The following ARHGEF12 variants were observed in gnomAD, a reference collection of about 807,000 sequenced individuals.
ARHGEF12 encodes KMT2A/ARHGEF12 fusion protein.
In ARHGEF12, 66 loss-of-function variants were observed where a neutral mutation model predicts 211.2. That is an observed-to-expected ratio of 0.31 (90% confidence interval 0.26 to 0.38). The LOEUF (loss-of-function observed/expected upper bound fraction) is 0.38, where lower values mean the gene tolerates loss of function less well. Ranked by LOEUF, ARHGEF12 falls within the 10% of genes least tolerant of loss-of-function variation. The pLI, the probability that ARHGEF12 is intolerant of heterozygous loss-of-function variation, is 1.00. For synonymous variants in ARHGEF12, 592 were observed against 638.4 expected, an observed-to-expected ratio of 0.93 and a Z score of 1.09; for missense variants, 1,429 against 1,869.5, an observed-to-expected ratio of 0.76 and a Z score of 4.34.
intron 1 of ARHGEF12, among the ~76,000 whole-genome samples, chr11:120,382,352 G>A (rs994804631): frequency 2.6e-5 from 4 of 152,176 alleles, no homozygotes; most frequent in Non-Finnish European, 5.9e-5. Flanking sequence ...TATATTTTGA[G>A]TGGTCATAAT....
Position 120,457,746 on chromosome 11 carries a change from C to T in ARHGEF12, c.2215C>T (p.Pro739Ser). ...GGTGACTGAACATGGGACACCAAAG[C>T]CCTTTCGAAAGTAAGTAAATCTTAA... ...ERVTEHGTPK[P>S]FRKFDSVAFG... Residue 739 changes from proline to serine, a missense_variant, in exon 24 of 41, where the codon CCC becomes TCC. By Grantham distance (74) the Pro-to-Ser change is moderately conservative. Coordinates refer to ENST00000397843, the MANE Select transcript of ARHGEF12 (RefSeq NM_015313.3). 1 of 1,608,812 alleles carries T rather than the reference C, an allele frequency of 6.2e-7. No individual in the cohort carries two copies. The highest frequency in any genetic ancestry group is 2.2e-5 in the East Asian group (1 of 44,810).
rs1300388291 is a variant in ARHGEF12 at position 120,451,549 on chromosome 11, T to C, written c.1881T>C (p.Pro627=). ...TGGAACTACAGAAGGCGCGCCACCCTAAGCACTTATCCACACCCTCATCTG... is the reference window on the plus strand; with the variant it reads ...TGGAACTACAGAAGGCGCGCCACCCCAAGCACTTATCCACACCCTCATCTG... The part of the protein sequence containing the change: ...RAMELQKARH[P]KHLSTPSSVS... The change falls in exon 22 of 41, where the codon CCT becomes CCC. Residue 627 remains proline (P), a synonymous_variant. Coordinates refer to ENST00000397843, the MANE Select transcript of ARHGEF12 (RefSeq NM_015313.3). 5.0e-6 allele frequency: 8 copies of C among 1,614,192 alleles called. No individual in the cohort carries two copies. Among genetic ancestry groups the C allele is most frequent in the Non-Finnish European group, 6.8e-6 (8 of 1,180,030 alleles).
chr11:120,429,671 CATAA>C lies in ARHGEF12; in HGVS notation c.664-40_664-37del, dbSNP rs775544151. 163 of 1,585,134 alleles carry C rather than the reference CATAA, an allele frequency of 1.0e-4. 1 individual carries two copies. The highest frequency in any genetic ancestry group is 1.3e-4 in the Non-Finnish European group (152 of 1,163,970). On this transcript the variant is annotated intron_variant, in intron 9 of 40. Coordinates refer to ENST00000397843, the MANE Select transcript of ARHGEF12 (RefSeq NM_015313.3). ...ATGGACTATTTCTGTATCTTTTTTA[CATAA>C]GTAATTAATTCTGAAAATATTTTTA...
intron 1 of ARHGEF12, among the ~76,000 whole-genome samples, chr11:120,349,360 G>A (rs947611262): frequency 2.0e-5 from 3 of 151,926 alleles, no homozygotes; most frequent in Admixed American, 1.3e-4. Flanking sequence ...CTCCCTGGCC[G>A]ACTTTTTTTT....
rs112377026 is a variant in ARHGEF12, at chr11:120,428,451, A to G, written c.585+204A>G. On this transcript the variant is annotated intron_variant, in intron 8 of 40. Transcript: ENST00000397843. ...ATTTAACAAGTATTAGACACCTGCCATATGTAAAACAGTGTGCCACCCACA... is the reference window on the plus strand; with the variant it reads ...ATTTAACAAGTATTAGACACCTGCCGTATGTAAAACAGTGTGCCACCCACA... 4.6e-3 allele frequency among the ~76,000 whole-genome samples: 697 copies of G among 152,364 alleles called. 3 individuals carry two copies. Among genetic ancestry groups the G allele is most frequent in the African/African-American group, 0.016 (669 of 41,586 alleles).
intron 10 of ARHGEF12, among the ~76,000 whole-genome samples, chr11:120,430,291 T>A (rs1432855833): frequency 2.6e-5 from 4 of 152,150 alleles, no homozygotes; most frequent in Non-Finnish European, 5.9e-5. Flanking sequence ...ATGGTTGTTT[T>A]CCTCCAGTTT....
chr11:120,408,833 G>C (rs1023762968), intron 3 of ARHGEF12: 5 of 152,014 alleles, frequency 3.3e-5, no homozygotes, highest in Non-Finnish European at 5.9e-5. Context: ...GGCTTTGGTG[G>C]TGGGACTATG....
intron 4 of ARHGEF12, among the ~76,000 whole-genome samples, chr11:120,416,097 A>G (rs1945019274): frequency 6.6e-6 from 1 of 152,156 alleles, no homozygotes; most frequent in African/African-American, 2.4e-5. Context: ...TGTATTCTGA[A>G]GTAATACTAA....
chr11:120,445,584 A>G (rs930388647), intron 16 of ARHGEF12, 120 bp downstream of exon 16: 40 of 1,016,656 alleles, frequency 3.9e-5, no homozygotes, highest in Non-Finnish European at 6.2e-5. Flanking sequence ...CACAACAGAA[A>G]GACAGTCTAT....
chr11:120,405,360 C>T (rs922064035), intron 1 of ARHGEF12, among the ~76,000 whole-genome samples: 14 of 152,168 alleles, frequency 9.2e-5, no homozygotes, highest in Admixed American at 2.6e-4. Context: ...TAGCATCAAA[C>T]GCTTATCAAG....
At chr11:120,421,455 T>TGG (rs1456498209) in intron 5 of ARHGEF12, among the ~76,000 whole-genome samples, 17 of 99,962 alleles carry the variant, frequency 1.7e-4, no homozygotes, top group African/African-American at 6.7e-4. Context: ...TTTTTTTTTT[T>TGG]GGAGATGGAG....
chr11:120,478,317 T>C lies in ARHGEF12; in HGVS notation c.3694T>C (p.Tyr1232His). 1 of 1,614,160 alleles carries C rather than the reference T, an allele frequency of 6.2e-7. No individual in the cohort carries two copies. The highest frequency in any genetic ancestry group is 1.1e-5 in the South Asian group (1 of 91,082). Residue 1232 changes from tyrosine (Y) to histidine (H), a missense_variant, in exon 37 of 41, where the codon TAT becomes CAT. Around this residue, in one of 7 missense-constraint regions of ARHGEF12, gnomAD observed 467 missense variants for 468.4 expected, o/e 1.00. Transcript: ENST00000397843. ...DGTLKEVGED[Y>H]QIAIPDSHLP... ...GACACTAAAGGAAGTTGGAGAAGAT[T>C]ATCAAATCGCAATCCCAGATTCACA... is the stretch of plus-strand genomic sequence containing the variant.
At chr11:120,396,404 T>A (rs1301583826) in intron 1 of ARHGEF12, among the ~76,000 whole-genome samples, 4 of 151,932 alleles carry the variant, frequency 2.6e-5, no homozygotes, top group Non-Finnish European at 5.9e-5. Context: ...AAGGGAAAAA[T>A]AATAACTTTA....
chr11:120,349,135 T>C (rs1418002346), intron 1 of ARHGEF12, among the ~76,000 whole-genome samples: 1 of 152,196 alleles, frequency 6.6e-6, no homozygotes, highest in Non-Finnish European at 1.5e-5. Flanking sequence ...TCTATAGTAG[T>C]TACTGTATTT....
intron 23 of ARHGEF12, 150 bp downstream of exon 23, chr11:120,457,400 G>A (rs1029015836): frequency 2.2e-6 from 2 of 923,728 alleles, no homozygotes; most frequent in Non-Finnish European, 1.5e-6. Flanking sequence ...TGAGGCAGGA[G>A]AATCAATCAC....
At chr11:120,370,853 C>A (rs924214813) in intron 1 of ARHGEF12, among the ~76,000 whole-genome samples, 1 of 151,866 alleles carries the variant, frequency 6.6e-6, no homozygotes, top group Non-Finnish European at 1.5e-5. Context: ...TCTCTCCTTC[C>A]CTCCCTTATC....
chr11:120,477,182 T>A, intron 34 of ARHGEF12, 37 bp from the exon 35 acceptor site: 1 of 1,440,608 alleles, frequency 6.9e-7, no homozygotes, highest in East Asian at 2.3e-5. Context: ...TTCTTTTTTC[T>A]TTTTTGTATT....
chr11:120,468,637 A>T (rs532079579), intron 29 of ARHGEF12, among the ~76,000 whole-genome samples: 1 of 151,986 alleles, frequency 6.6e-6, no homozygotes, highest in Non-Finnish European at 1.5e-5. Flanking sequence ...TTTTAGTAGA[A>T]ACAAGGTTTC....
At position 120,347,175 on chromosome 11, in the gene ARHGEF12, C is replaced by CTTTCTTT. The variant is rs1565417173; in HGVS notation, c.32+9900_32+9901insTTTCTTT. ...TCCTTCCTTCCTTCCTTCCTTCCTTCCTTCCTTCCTTTCTTTCTTTCTTTC... is the reference window on the plus strand; with the variant it reads ...TCCTTCCTTCCTTCCTTCCTTCCTTCTTTCTTTCTTCCTTCCTTTCTTTCTTTCTTTC... On this transcript the variant is annotated intron_variant, in intron 1 of 40. Transcript: ENST00000397843. Among the ~76,000 whole-genome samples, 84 of 62,152 alleles carry CTTTCTTT rather than the reference C, an allele frequency of 1.4e-3. 1 individual carries two copies. Among genetic ancestry groups the CTTTCTTT allele is most frequent in the East Asian group, 0.011 (10 of 920 alleles). 40.8% of individuals were successfully genotyped at this position (62,152 alleles called of 152,430 possible).
Sources: gnomAD v4.1 joint callset for allele counts (sites outside exome capture counted in the v4.1 genomes callset) on GRCh38, gnomAD v4.1.1 for gene constraint, gnomAD v4.1.1 regional missense constraint, MANE v1.5 for transcripts, NCBI Gene and HGNC (gene_info 2026-07-23, HGNC 2026-07-21) for gene names.